The following TRAPPC12 variants were observed in gnomAD, a reference collection of about 807,000 sequenced individuals.
The protein encoded by TRAPPC12 is TPR repeat protein 15.
In TRAPPC12, 61 loss-of-function variants were observed where a neutral mutation model predicts 69.2. The ratio of observed to expected loss-of-function variants is 0.88; its 90% CI spans 0.72 to 1.09. The LOEUF is 1.09. TRAPPC12 is among the 50% of genes least tolerant of loss of function. The pLI, the probability that TRAPPC12 is intolerant of heterozygous loss-of-function variation, is 0.00. For missense variants in TRAPPC12, 1,101 were observed against 1,016.4 expected (o/e 1.08, Z -1.13); for synonymous variants, 469 against 438.9 (o/e 1.07, Z -0.86).
At position 3,472,448 on chromosome 2, in the gene TRAPPC12, A is replaced by G. The variant is rs1389331844; in HGVS notation, c.1777-5247A>G. ...GCTCAACAGAGACCTTCAAATAGAAAAAGAAGAGACTGACTTCTGGCTGCC... is the reference window on the plus strand; with the variant it reads ...GCTCAACAGAGACCTTCAAATAGAAGAAGAAGAGACTGACTTCTGGCTGCC... On this transcript the variant is annotated intron_variant, in intron 9 of 11. Transcript: ENST00000324266. 3 of 152,204 alleles carry G rather than the reference A, an allele frequency of 2.0e-5. No individual in the cohort carries two copies. In the East Asian group the frequency reaches 5.8e-4, roughly 29 times the overall value. The allele number at this position is 152,204 out of a possible 1,614,324, so 9.4% of individuals were successfully genotyped here. A position where few individuals can be genotyped will look rare whatever the true frequency, so the allele number is the denominator to read the frequency against.
intron 5 of TRAPPC12, among the ~76,000 whole-genome samples, chr2:3,433,429 A>C (rs1663559512): frequency 6.6e-6 from 1 of 152,198 alleles, no homozygotes; most frequent in Non-Finnish European, 1.5e-5. Context: ...GCGTCCAGGC[A>C]TCATGTCACA....
chr2:3,384,981 A>G (rs1196935738), intron 1 of TRAPPC12, among the ~76,000 whole-genome samples: 1 of 152,166 alleles, frequency 6.6e-6, no homozygotes, highest in Non-Finnish European at 1.5e-5. Flanking sequence ...TCTGCTTTGC[A>G]TTTGAACCTT....
At chr2:3,383,855 G>A (rs769235633) in intron 1 of TRAPPC12, among the ~76,000 whole-genome samples, 65 of 122,254 alleles carry the variant, frequency 5.3e-4, no homozygotes, top group Non-Finnish European at 1.1e-3. Flanking sequence ...ATATTCCCTT[G>A]TGATAGTTCA....
At chr2:3,458,218 G>A (rs1447451035) in intron 7 of TRAPPC12, 22 of 990,098 alleles carry the variant, frequency 2.2e-5, no homozygotes, top group South Asian at 9.1e-5. Flanking sequence ...GAGCTGATCT[G>A]CACAGTGAGG....
At chr2:3,459,673 A>G (rs1162909824) in intron 7 of TRAPPC12, among the ~76,000 whole-genome samples, 1 of 152,234 alleles carries the variant, frequency 6.6e-6, no homozygotes, top group African/African-American at 2.4e-5. Context: ...GTGCTAGGGA[A>G]GGAAGCCAGC....
chr2:3,448,987 C>T (rs1338404970), intron 6 of TRAPPC12, among the ~76,000 whole-genome samples: 3 of 152,240 alleles, frequency 2.0e-5, no homozygotes, highest in African/African-American at 4.8e-5. Flanking sequence ...AGCAGGACAT[C>T]ATTTAGGATC....
At chr2:3,427,194 A>C (rs7576305) in intron 5 of TRAPPC12, among the ~76,000 whole-genome samples, 1 of 152,140 alleles carries the variant, frequency 6.6e-6, no homozygotes, top group Admixed American at 6.5e-5. Flanking sequence ...TCCCAGCATA[A>C]ATAAAACCAT....
At chr2:3,462,914 C>G (rs762932599) in intron 8 of TRAPPC12, 1 of 471,108 alleles carries the variant, frequency 2.1e-6, no homozygotes, top group Non-Finnish European at 4.4e-6. Context: ...GAAAGGAGCA[C>G]GCAGCTGCAT....
chr2:3,459,076 C>T (rs1665339240), intron 7 of TRAPPC12, among the ~76,000 whole-genome samples: 1 of 152,214 alleles, frequency 6.6e-6, no homozygotes, highest in Non-Finnish European at 1.5e-5. Context: ...AAATGCACAT[C>T]ATTTCTAGGT....
chr2:3,458,988 T>C (rs1404031208), intron 7 of TRAPPC12, among the ~76,000 whole-genome samples: 1 of 152,270 alleles, frequency 6.6e-6, no homozygotes, highest in Non-Finnish European at 1.5e-5. Context: ...AATGTGTTTT[T>C]CATTGCTGAA....
At chr2:3,457,248 T>C (rs1053476729) in intron 6 of TRAPPC12, 13 of 445,992 alleles carry the variant, frequency 2.9e-5, no homozygotes, top group Admixed American at 2.0e-4. Context: ...AAGCTAAACA[T>C]TGGATTCACA....
intron 2 of TRAPPC12, among the ~76,000 whole-genome samples, chr2:3,389,243 A>C (rs1660682454): frequency 6.6e-6 from 1 of 152,202 alleles, no homozygotes; most frequent in Non-Finnish European, 1.5e-5. Context: ...GCCCCTGCCC[A>C]GGCCTCTCTC....
chr2:3,457,084 A>G, intron 6 of TRAPPC12: 1 of 463,946 alleles, frequency 2.2e-6, no homozygotes, highest in Non-Finnish European at 4.4e-6. Context: ...TAAGGAAAAG[A>G]TGGTGCACAT....
rs373313690 is a variant in TRAPPC12 at position 3,479,231 on chromosome 2, G to A, written c.1978G>A (p.Ala660Thr). The change falls in exon 12 of 12, where the codon GCT becomes ACT. Residue 660 changes from alanine (A) to threonine (T), a missense_variant. Transcript: ENST00000324266. ...TGCTCCTCCCTAGGCCAACAACAAC[G>A]CTGCCGTGTGTCTGCTCTACCTGGG... is the stretch of plus-strand genomic sequence containing the variant. ...DPRNAVANNNAAVCLLYLGKL... is the reference protein window; with the variant it reads ...DPRNAVANNNTAVCLLYLGKL... 1.1e-5 allele frequency: 18 copies of A among 1,613,478 alleles called. No individual in the cohort carries two copies. Among genetic ancestry groups the A allele is most frequent in the East Asian group, 4.5e-5 (2 of 44,874 alleles).
chr2:3,459,160 G>T (rs1365349620), intron 7 of TRAPPC12, among the ~76,000 whole-genome samples: 2 of 152,212 alleles, frequency 1.3e-5, no homozygotes, highest in African/African-American at 2.4e-5. Flanking sequence ...AGCCTCAGAG[G>T]CAGCCAGGGA....
chr2:3,436,806 A>C (rs1435606214), intron 5 of TRAPPC12, among the ~76,000 whole-genome samples: 1 of 93,972 alleles, frequency 1.1e-5, no homozygotes, highest in Non-Finnish European at 2.0e-5. Flanking sequence ...CCCCTGAATT[A>C]ATCCCCCCAT....
At chr2:3,410,693 T>C (rs1662008605) in intron 3 of TRAPPC12, among the ~76,000 whole-genome samples, 1 of 152,238 alleles carries the variant, frequency 6.6e-6, no homozygotes, top group Non-Finnish European at 1.5e-5. Context: ...GATATGTTTT[T>C]GTGCCCACAC....
chr2:3,449,764 AT>A (rs1664753187), intron 6 of TRAPPC12, among the ~76,000 whole-genome samples: 1 of 152,102 alleles, frequency 6.6e-6, no homozygotes, highest in Non-Finnish European at 1.5e-5. Flanking sequence ...GTGGCCAGTT[AT>A]TGCCATCACC....
chr2:3,441,541 T>C (rs1664202884), intron 5 of TRAPPC12, among the ~76,000 whole-genome samples: 1 of 151,738 alleles, frequency 6.6e-6, no homozygotes. Flanking sequence ...TGTCAAAGAA[T>C]ATGTTTTTGG....
Sources: gnomAD v4.1 joint callset for allele counts (sites outside exome capture counted in the v4.1 genomes callset) on GRCh38, gnomAD v4.1.1 for gene constraint, MANE v1.5 for transcripts, NCBI Gene and HGNC (gene_info 2026-07-23, HGNC 2026-07-21) for gene names.